Variants in ASAP1 observed in about 807,000 individuals in gnomAD.
ASAP1 encodes ArfGAP with SH3 domain, ankyrin repeat and PH domain 1.
A neutral mutation model predicts 145.2 loss-of-function variants in ASAP1; 43 were observed. The ratio of observed to expected loss-of-function variants is 0.30; its 90% confidence interval spans 0.23 to 0.38. The LOEUF is 0.38. ASAP1 is among the 10% of genes least tolerant of loss of function. The pLI, the probability that ASAP1 is intolerant of heterozygous loss-of-function variation, is 1.00. For synonymous variants in ASAP1, 546 were observed against 515.5 expected, an observed-to-expected ratio of 1.06 and a Z score of -0.80; for missense variants, 1,018 against 1,355.3, an observed-to-expected ratio of 0.75 and a Z score of 3.91.
chr8:130,302,316 T>C (rs947856996), intron 3 of ASAP1, among the ~76,000 whole-genome samples: 3 of 152,062 alleles, frequency 2.0e-5, no homozygotes, highest in South Asian at 2.1e-4. Flanking sequence ...AGGGGGTGAG[T>C]ATGTCTATGG....
Position 130,076,355 on chromosome 8 carries a change from A to G in ASAP1, c.2694T>C (p.Pro898=). 1 of 1,610,088 alleles carries G rather than the reference A, an allele frequency of 6.2e-7. No individual in the cohort carries two copies. Among genetic ancestry groups the G allele is most frequent in the Non-Finnish European group, 8.5e-7 (1 of 1,177,732 alleles). The part of the protein sequence containing the change: ...ALGPRVLPKL[P]QKVALRKTDH... ...AAAAATGATAGATCTTACCTTTCTG[A>G]GGTAGTTTAGGAAGAACTCTTGGGC... is the stretch of plus-strand genomic sequence containing the variant. Residue 898 remains proline, a synonymous_variant, in exon 27 of 30, where the codon CCT becomes CCC. Coordinates refer to ENST00000518721, the MANE Select transcript of ASAP1 (RefSeq NM_018482.4).
intron 3 of ASAP1, among the ~76,000 whole-genome samples, chr8:130,320,223 G>A (rs919347708): frequency 5.3e-5 from 8 of 152,126 alleles, no homozygotes; most frequent in Non-Finnish European, 4.4e-5. Flanking sequence ...GAATATCAAT[G>A]AGCATATATG....
intron 13 of ASAP1, among the ~76,000 whole-genome samples, chr8:130,148,424 G>A (rs193163964): frequency 1.3e-5 from 2 of 152,334 alleles, no homozygotes; most frequent in African/African-American, 4.8e-5. Context: ...ATTCAAAGAT[G>A]AGTAAGATGC....
intron 3 of ASAP1, among the ~76,000 whole-genome samples, chr8:130,305,079 A>G (rs1822911566): frequency 6.6e-6 from 1 of 151,882 alleles, no homozygotes; most frequent in Admixed American, 6.6e-5. Context: ...GTGCTGTCGG[A>G]CCCCCACAGC....
At chr8:130,263,879 C>T (rs951744190) in intron 3 of ASAP1, among the ~76,000 whole-genome samples, 23 of 152,292 alleles carry the variant, frequency 1.5e-4, no homozygotes, top group South Asian at 6.2e-4. Context: ...ATGAGGAAAC[C>T]GAGGTTCAGA....
intron 11 of ASAP1, among the ~76,000 whole-genome samples, chr8:130,166,286 G>A (rs2097679707): frequency 6.6e-6 from 1 of 152,196 alleles, no homozygotes; most frequent in Non-Finnish European, 1.5e-5. Context: ...TTGGATTACA[G>A]GCATGAGCCA....
At chr8:130,072,790 G>GGTGTGTGTGTGTGTGTGTGTGTGTGTGT (rs142924621) in intron 27 of ASAP1, among the ~76,000 whole-genome samples, 1,071 of 65,930 alleles carry the variant, frequency 0.016, 201 homozygotes, top group African/African-American at 0.021. Flanking sequence ...ACTTGCAATT[G>GGTGTGTGTGTGTGTGTGTGTGTGTGTGT]ATATGTGTGT....
chr8:130,397,084 A>C (rs1175911044), intron 2 of ASAP1, among the ~76,000 whole-genome samples: 1 of 152,056 alleles, frequency 6.6e-6, no homozygotes, highest in Admixed American at 6.5e-5. Flanking sequence ...TGACAACCGC[A>C]TTGCTGTGGA....
At chr8:130,392,118 G>A (rs1352286054) in intron 2 of ASAP1, among the ~76,000 whole-genome samples, 2 of 152,190 alleles carry the variant, frequency 1.3e-5, no homozygotes, top group South Asian at 2.1e-4. Context: ...TATCAACCTT[G>A]AGAGTCAAAA....
intron 4 of ASAP1, among the ~76,000 whole-genome samples, chr8:130,231,705 A>T (rs1817918047): frequency 6.6e-6 from 1 of 152,238 alleles, no homozygotes. Flanking sequence ...TAACATTTTC[A>T]ACCTAATTCA....
intron 25 of ASAP1, among the ~76,000 whole-genome samples, chr8:130,087,433 T>C (rs977050359): frequency 6.6e-6 from 1 of 152,006 alleles, no homozygotes; most frequent in Non-Finnish European, 1.5e-5. Context: ...GGCAGGAGAA[T>C]TGCTTGAACC....
At chr8:130,124,130 C>T in intron 17 of ASAP1, 26 bp from the exon 18 acceptor site, 1 of 1,487,156 alleles carries the variant, frequency 6.7e-7, no homozygotes, top group African/African-American at 1.4e-5. Flanking sequence ...CAAACAACCA[C>T]AATATAGCAA....
intron 5 of ASAP1, among the ~76,000 whole-genome samples, chr8:130,199,557 T>C (rs983997645): frequency 1.3e-5 from 2 of 152,216 alleles, no homozygotes; most frequent in South Asian, 4.1e-4. Context: ...GAAGAAAGAA[T>C]GAAGGTCAGG....
At chr8:130,410,845 T>C (rs1271219802) in intron 1 of ASAP1, among the ~76,000 whole-genome samples, 1 of 152,150 alleles carries the variant, frequency 6.6e-6, no homozygotes, top group African/African-American at 2.4e-5. Flanking sequence ...AAATCACTTC[T>C]GGGAACCTGT....
At chr8:130,152,165 T>C (rs1010338600) in intron 13 of ASAP1, among the ~76,000 whole-genome samples, 6 of 152,236 alleles carry the variant, frequency 3.9e-5, no homozygotes, top group African/African-American at 7.2e-5. Flanking sequence ...CACAGGATAC[T>C]GTAATTTAAT....
intron 1 of ASAP1, among the ~76,000 whole-genome samples, chr8:130,407,110 C>G (rs1486817423): frequency 1.3e-5 from 2 of 152,208 alleles, no homozygotes; most frequent in Non-Finnish European, 2.9e-5. Context: ...CTCCCCGTAA[C>G]TGATGAATGC....
intron 3 of ASAP1, among the ~76,000 whole-genome samples, chr8:130,330,997 C>T (rs1484231738): frequency 6.6e-6 from 1 of 152,110 alleles, no homozygotes; most frequent in Non-Finnish European, 1.5e-5. Flanking sequence ...TCAGAAAGAC[C>T]TTAGCTGTCC....
intron 16 of ASAP1, 22 bp from the exon 17 acceptor site, chr8:130,126,111 C>T (rs758018443): frequency 1.9e-6 from 3 of 1,584,368 alleles, no homozygotes; most frequent in Middle Eastern, 1.7e-4. Flanking sequence ...ATGTTGAAGA[C>T]AATGAAACAA....
chr8:130,242,313 A>G (rs888738828), intron 3 of ASAP1, among the ~76,000 whole-genome samples: 3 of 148,852 alleles, frequency 2.0e-5, no homozygotes, highest in South Asian at 2.1e-4. Flanking sequence ...ACTCACTTGG[A>G]AAAAAAAAGG....
Sources: gnomAD v4.1 joint callset for allele counts (sites outside exome capture counted in the v4.1 genomes callset) on GRCh38, gnomAD v4.1.1 for gene constraint, MANE v1.5 for transcripts, NCBI Gene and HGNC (gene_info 2026-07-23, HGNC 2026-07-21) for gene names.